EIF3A: variants seen among roughly 807,000 people sequenced by gnomAD.
EIF3A encodes EIF3, p180 subunit.
A neutral mutation model predicts 186.6 loss-of-function variants in EIF3A; 21 were observed. That is an observed-to-expected ratio of 0.11 (90% CI 0.08 to 0.16). The LOEUF (loss-of-function observed/expected upper bound fraction) is 0.16, where lower values mean the gene tolerates loss of function less well. EIF3A is among the 10% of genes least tolerant of loss of function. The pLI is 1.00. For missense variants in EIF3A, 1,306 were observed against 1,796.3 expected, an observed-to-expected ratio of 0.73 and a Z score of 4.93; for synonymous variants, 563 against 584.3, an observed-to-expected ratio of 0.96 and a Z score of 0.52.
At chr10:119,036,666 G>A (rs1848133529) in intron 21 of EIF3A, among the ~76,000 whole-genome samples, 1 of 152,134 alleles carries the variant, frequency 6.6e-6, no homozygotes, top group African/African-American at 2.4e-5. Flanking sequence ...TTATGGCTAT[G>A]AGAGAAAAAT....
chr10:119,061,057 ACAT>A (rs1330474727), intron 8 of EIF3A, 164 bp downstream of exon 8: 1 of 572,822 alleles, frequency 1.7e-6, no homozygotes. Context: ...TTTGCTGAGC[ACAT>A]CAGATATATC....
intron 14 of EIF3A, among the ~76,000 whole-genome samples, chr10:119,054,532 T>C (rs371152991): frequency 3.5e-5 from 5 of 141,474 alleles, no homozygotes; most frequent in African/African-American, 5.3e-5. Context: ...CTGACCAACA[T>C]AGAGAAACCC....
chr10:119,059,140 T>A (rs1413858149), intron 11 of EIF3A, 72 bp downstream of exon 11: 1 of 1,238,004 alleles, frequency 8.1e-7, no homozygotes, highest in African/African-American at 1.5e-5. Context: ...CAAACCTTTT[T>A]GTAAAAGACA....
intron 4 of EIF3A, 125 bp from the exon 5 acceptor site, chr10:119,071,210 T>C (rs1844064654): frequency 1.4e-6 from 1 of 702,396 alleles, no homozygotes; most frequent in Admixed American, 2.5e-5. Context: ...TCATTAGTCT[T>C]TGTGATGCAA....
At chr10:119,038,132 C>T (rs1447349601) in intron 20 of EIF3A, 106 bp downstream of exon 20, 1 of 963,312 alleles carries the variant, frequency 1.0e-6, no homozygotes, top group Non-Finnish European at 1.6e-6. Flanking sequence ...GGCCAGGCTG[C>T]TCTCGAACTC....
chr10:119,050,407 G>C lies in EIF3A; in HGVS notation c.2473+114C>G, dbSNP rs149211200. 209 of 1,059,110 alleles carry C rather than the reference G, an allele frequency of 2.0e-4. 2 individuals are homozygous for C. Among genetic ancestry groups the C allele is most frequent in the South Asian group, 1.9e-3 (118 of 61,844 alleles). The allele number at this position is 1,059,110 out of a possible 1,614,324, so 65.6% of individuals were successfully genotyped here. A position where few individuals can be genotyped will look rare whatever the true frequency, so the allele number is the denominator to read the frequency against. ...GGGTTCTGAGATCCAGTTAATTACAGTGCTAAAAGGCCAATTACCTTGATT... is the reference window on the plus strand; with the variant it reads ...GGGTTCTGAGATCCAGTTAATTACACTGCTAAAAGGCCAATTACCTTGATT... On this transcript the variant is annotated intron_variant, in intron 16 of 21. Coordinates refer to ENST00000369144, the MANE Select transcript of EIF3A (RefSeq NM_003750.4).
Position 119,080,699 on chromosome 10 carries a change from C to T in EIF3A, c.-23G>A, listed in dbSNP as rs370678492. On this transcript the variant is annotated 5_prime_UTR_variant, in exon 1 of 22. Coordinates refer to ENST00000369144, the MANE Select transcript of EIF3A (RefSeq NM_003750.4). ...CATCTTGGCGGCAGGCTCAGCTCAC[C>T]CGGCGTCAGCGAACTCTCTAGTGGC... 57 of 1,582,770 alleles carry T rather than the reference C, an allele frequency of 3.6e-5. No individual in the cohort carries two copies. The highest frequency in any genetic ancestry group is 4.5e-5 in the Non-Finnish European group (52 of 1,165,896).
chr10:119,041,151 C>T (rs1198644772), intron 19 of EIF3A, among the ~76,000 whole-genome samples: 1 of 152,072 alleles, frequency 6.6e-6, no homozygotes, highest in Non-Finnish European at 1.5e-5. Flanking sequence ...GCACTCCAGC[C>T]TGGGAGACAG....
chr10:119,065,284 A>G (rs1442468526), intron 7 of EIF3A, 115 bp downstream of exon 7: 1 of 772,496 alleles, frequency 1.3e-6, no homozygotes, highest in Admixed American at 2.5e-5. Context: ...TTCCCTGTCC[A>G]TACATCAGAA....
intron 1 of EIF3A, among the ~76,000 whole-genome samples, chr10:119,075,960 T>TCGTGATCTGCCCAC (rs1844165009): frequency 1.5e-5 from 2 of 130,174 alleles, no homozygotes; most frequent in Non-Finnish European, 3.1e-5. Flanking sequence ...TCTCCTGACC[T>TCGTGATCTGCCCAC]CGTGATCTGC....
intron 17 of EIF3A, among the ~76,000 whole-genome samples, chr10:119,049,493 C>CAA (rs67696743): frequency 0.5 from 56,891 of 112,670 alleles, 15,843 homozygotes; most frequent in South Asian, 0.69. Context: ...GACTCTGTCT[C>CAA]AAAAAAAAAA....
chr10:119,064,208 G>T (rs1843933585), intron 7 of EIF3A, among the ~76,000 whole-genome samples: 1 of 152,100 alleles, frequency 6.6e-6, no homozygotes, highest in South Asian at 2.1e-4. Context: ...CCCTAATTAA[G>T]TCCATACTAT....
chr10:119,059,162 TAA>T (rs752527029), intron 11 of EIF3A, 48 bp downstream of exon 11: 1 of 1,484,460 alleles, frequency 6.7e-7, no homozygotes, highest in East Asian at 2.3e-5. Context: ...GGCATGGCGT[TAA>T]GAGTCCCTCA....
intron 7 of EIF3A, among the ~76,000 whole-genome samples, chr10:119,062,269 C>A (rs939517389): frequency 6.6e-6 from 1 of 152,080 alleles, no homozygotes; most frequent in African/African-American, 2.4e-5. Flanking sequence ...TCATGCAGTC[C>A]CCTTCCGAAT....
Position 119,065,619 on chromosome 10 carries a change from G to A in EIF3A, c.951-49C>T, listed in dbSNP as rs371001300. On this transcript the variant is annotated intron_variant, in intron 6 of 21. Transcript: ENST00000369144. ...CTGTTAGGTTTGTAAATGATACTTG[G>A]TAAGCAGAAAAGCACTTCTCTTTAA... 178 of 1,387,036 alleles carry A rather than the reference G, an allele frequency of 1.3e-4. No homozygotes were observed. In the African/African-American group the frequency reaches 2.2e-3, roughly 17 times the overall value. The allele number at this position is 1,387,036 out of a possible 1,614,324, so 85.9% of individuals were successfully genotyped here. A position where few individuals can be genotyped will look rare whatever the true frequency, so the allele number is the denominator to read the frequency against.
At chr10:119,063,510 T>A (rs1359442545) in intron 7 of EIF3A, among the ~76,000 whole-genome samples, 2 of 152,238 alleles carry the variant, frequency 1.3e-5, no homozygotes, top group Non-Finnish European at 2.9e-5. Flanking sequence ...ATTATCTTTT[T>A]GATTTCTTTA....
intron 11 of EIF3A, among the ~76,000 whole-genome samples, chr10:119,058,954 C>T (rs574857226): frequency 8.5e-5 from 13 of 152,240 alleles, no homozygotes; most frequent in African/African-American, 2.6e-4. Flanking sequence ...TTGAGGAATC[C>T]TATGTCCACT....
At chr10:119,057,193 T>C (rs1048009496) in intron 12 of EIF3A, among the ~76,000 whole-genome samples, 153 bp from the exon 13 acceptor site, 1 of 152,226 alleles carries the variant, frequency 6.6e-6, no homozygotes, top group African/African-American at 2.4e-5. Context: ...AATAGCCTTA[T>C]TTCCATTTGA....
chr10:119,038,416 C>T lies in EIF3A; in HGVS notation c.3550G>A (p.Ala1184Thr). Reference protein sequence around the residue: ...KPGGWREKEKAREESWGPPRE... With the variant: ...KPGGWREKEKTREESWGPPRE... The stretch of plus-strand genomic sequence containing the variant: ...GGTGGACCCCAGCTCTCCTCTCTGG[C>T]TTTTTCTTTCTCTCTCCATCCACCT... Residue 1184 changes from alanine to threonine, a missense_variant, in exon 20 of 22, where the codon GCC (alanine) becomes ACC (threonine). Coordinates refer to ENST00000369144, the MANE Select transcript of EIF3A (RefSeq NM_003750.4). The T allele has an allele frequency of 6.2e-7, 1 of 1,613,726 alleles. No homozygotes were observed. Among genetic ancestry groups the T allele is most frequent in the Non-Finnish European group, 8.5e-7 (1 of 1,179,954 alleles).
Sources: allele counts gnomAD v4.1 joint callset (sites outside exome capture counted in the v4.1 genomes callset), GRCh38; gene constraint gnomAD v4.1.1; transcripts MANE v1.5; gene names NCBI Gene and HGNC (gene_info 2026-07-23, HGNC 2026-07-21).